PLEC: variants seen among roughly 807,000 people sequenced by gnomAD.
The protein encoded by PLEC is hemidesmosomal protein 1.
PLEC carries 216 observed loss-of-function variants against 392.8 expected under a neutral mutation model. The ratio of observed to expected loss-of-function variants is 0.55; its 90% CI spans 0.49 to 0.62. PLEC has a LOEUF of 0.62. Ranked by LOEUF, PLEC falls within the 20% of genes least tolerant of loss-of-function variation. The pLI, the probability that PLEC is intolerant of heterozygous loss-of-function variation, is 0.00. For synonymous variants in PLEC, 3,621 were observed against 2,980.6 expected (o/e 1.21, Z -7.00); for missense variants, 6,863 against 6,563.4 (o/e 1.05, Z -1.58).
At position 143,927,948 on chromosome 8, in the gene PLEC, T is replaced by G. The variant is rs1554709043; in HGVS notation, c.3305A>C (p.Glu1102Ala). ...CTCCTCGTGGGCCCTGAGCACCTCC[T>G]CGGCCCCCTGCGTGCCGCGGATCAC... is the stretch of plus-strand genomic sequence containing the variant. ...SLVIRGTQGA[E>A]EVLRAHEEQL... Residue 1102 changes from glutamate to alanine, a missense_variant, in exon 26 of 32, where the codon GAG becomes GCG. Physicochemically the swap from Glu to Ala is moderately radical, Grantham distance 107. Transcript: ENST00000345136. The G allele has an allele frequency of 2.5e-6, 4 of 1,601,236 alleles. No individual in the cohort carries two copies. Among genetic ancestry groups the G allele is most frequent in the South Asian group, 2.2e-5 (2 of 89,954 alleles).
At chr8:143,947,533 T>G (rs1411510717) in intron 1 of PLEC, among the ~76,000 whole-genome samples, 1 of 151,410 alleles carries the variant, frequency 6.6e-6, no homozygotes, top group East Asian at 1.9e-4. Flanking sequence ...TCACCTGAGG[T>G]CAGGACTTCA....
intron 1 of PLEC, among the ~76,000 whole-genome samples, chr8:143,972,663 G>A (rs59616544): frequency 3.3e-5 from 5 of 152,200 alleles, no homozygotes; most frequent in Admixed American, 2.0e-4. Context: ...TCTGCAGGCC[G>A]GCAGCCAATG....
chr8:143,932,880 G>C lies in PLEC; in HGVS notation c.1650C>G (p.Ser550Arg). 1 of 1,612,408 alleles carries C rather than the reference G, an allele frequency of 6.2e-7. No homozygotes were observed. The highest frequency in any genetic ancestry group is 1.1e-5 in the South Asian group (1 of 91,060). ...GGTGGCTGCCCAGCTGCGCCTCCACGCTGGGCAGGTCCACACCCCACTCAG... is the reference window on the plus strand; with the variant it reads ...GGTGGCTGCCCAGCTGCGCCTCCACCCTGGGCAGGTCCACACCCCACTCAG... ...DGAEWGVDLP[S>R]VEAQLGSHRG... The change falls in exon 14 of 32, where the codon AGC becomes AGG. Residue 550 changes from serine to arginine, a missense_variant. Ser to Arg is a moderately radical substitution (Grantham distance 110, BLOSUM62 -1). Transcript: ENST00000345136.
In PLEC at chr8:143,920,358, C is replaced by G; in HGVS notation, c.9463G>C (p.Asp3155His). Residue 3155 changes from aspartate to histidine, a missense_variant, in exon 32 of 32, where the codon GAT (aspartate) becomes CAT (histidine). Transcript: ENST00000345136. ...AGGCAGCCTCGGGCGCAGGCGACATCCAGGGGCACGCGGTGGCTCTTGCTG... is the reference window on the plus strand; with the variant it reads ...AGGCAGCCTCGGGCGCAGGCGACATGCAGGGGCACGCGGTGGCTCTTGCTG... ...DPSKSHRVPLDVACARGCLDE... is the reference protein window; with the variant it reads ...DPSKSHRVPLHVACARGCLDE... 6.3e-7 allele frequency: 1 copy of G among 1,594,936 alleles called. No homozygotes were observed.
chr8:143,917,771 G>A lies in PLEC; in HGVS notation c.12050C>T (p.Pro4017Leu). The A allele has an allele frequency of 6.2e-7, 1 of 1,613,560 alleles. No homozygotes were observed. The highest frequency in any genetic ancestry group is 1.1e-5 in the South Asian group (1 of 91,082). The change falls in exon 32 of 32, where the codon CCC becomes CTC. Residue 4017 changes from proline (P) to leucine (L), a missense_variant. Coordinates refer to ENST00000345136, the MANE Select transcript of PLEC (RefSeq NM_201384.3). ...GAGGGAGATGAGCTTCCCAGAGTAG[G>A]GGTCCTTGTACCCAGTGACGGCGCG... ...AERAVTGYKD[P>L]YSGKLISLFQ... is the part of the protein sequence containing the mutation.
upstream of PLEC, among the ~76,000 whole-genome samples, chr8:143,940,149 G>A (rs782765544): frequency 7.2e-5 from 11 of 152,228 alleles, no homozygotes; most frequent in Non-Finnish European, 1.5e-4. Context: ...GCCCCATGGT[G>A]CCTGCCCTGG....
At position 143,927,503 on chromosome 8, in the gene PLEC, G is replaced by A. The variant is rs1825650994; in HGVS notation, c.3663C>T (p.Ala1221=). 1 of 1,597,036 alleles carries A rather than the reference G, an allele frequency of 6.3e-7. No homozygotes were observed. Reference sequence around the variant, plus strand: ...GCCGCCGCCTGGCGTCCTGCAGCCAGGCGCCCAAGGGGTCTGCACTCTCGC... The same window carrying A: ...GCCGCCGCCTGGCGTCCTGCAGCCAAGCGCCCAAGGGGTCTGCACTCTCGC... ...YYRESADPLG[A]WLQDARRRQE... Residue 1221 remains alanine, a synonymous_variant, in exon 27 of 32, where the codon GCC becomes GCT. Coordinates refer to ENST00000345136, the MANE Select transcript of PLEC (RefSeq NM_201384.3).
rs1823964414 is a variant in PLEC at position 143,924,045 on chromosome 8, T to C, written c.5884A>G (p.Lys1962Glu). The C allele has an allele frequency of 6.3e-7, 1 of 1,595,664 alleles. No homozygotes were observed. Among genetic ancestry groups the C allele is most frequent in the Non-Finnish European group, 8.5e-7 (1 of 1,178,170 alleles). ...RSNAEDTLRS[K>E]EQAELEAARQ... is the part of the protein sequence containing the mutation. ...GCAGCCTCCAGCTCGGCCTGCTCCT[T>C]GCTGCGCAGCGTGTCCTCCGCGTTG... The change falls in exon 31 of 32, where the codon AAG (lysine) becomes GAG (glutamate). Residue 1962 changes from lysine to glutamate, a missense_variant. By Grantham distance (56) the Lys-to-Glu change is moderately conservative. Coordinates refer to ENST00000345136, the MANE Select transcript of PLEC (RefSeq NM_201384.3).
At position 143,917,953 on chromosome 8, in the gene PLEC, G is replaced by A. The variant is rs1563937233; in HGVS notation, c.11868C>T (p.Gly3956=). The A allele has an allele frequency of 1.2e-6, 2 of 1,612,978 alleles. No homozygotes were observed. Among genetic ancestry groups the A allele is most frequent in the South Asian group, 1.1e-5 (1 of 91,080 alleles). The change falls in exon 32 of 32, where the codon GGC becomes GGT. Residue 3956 remains glycine (G), a synonymous_variant. Transcript: ENST00000345136. ...RLSVYQAMKK[G]IIRPGTAFEL... ...CAAAGGCTGTGCCGGGGCGGATGAT[G>A]CCCTTCTTCATGGCCTGGTACACCG...
chr8:143,937,243 C>A lies in PLEC; in HGVS notation c.265-1G>T. 6.2e-7 allele frequency: 1 copy of A among 1,611,314 alleles called. No individual in the cohort carries two copies. Among genetic ancestry groups the A allele is most frequent in the Non-Finnish European group, 8.5e-7 (1 of 1,178,634 alleles). On this transcript the variant is annotated splice_acceptor_variant, in intron 3 of 31. Transcript: ENST00000345136. LOFTEE classifies it high-confidence loss of function. ...AACGCATCCTCCCCTTCTCCCGGGG[C>A]TGTGGGGAGGCACAGTCAGCACCCA... is the stretch of plus-strand genomic sequence containing the variant.
In PLEC at chr8:143,915,235, C is replaced by A. The variant is rs1820218659; in HGVS notation, c.*942G>T. 1 of 152,586 alleles carries A rather than the reference C, an allele frequency of 6.6e-6. No individual in the cohort carries two copies. The highest frequency in any genetic ancestry group is 1.5e-5 in the Non-Finnish European group (1 of 68,124). The allele number at this position is 152,586 out of a possible 1,614,324, so 9.5% of individuals were successfully genotyped here. ...TTAGTGTTCTGCCCTTGCAGAGGCG[C>A]CAGCAGCCTGACACCTCCACCTGCC... On this transcript the variant is annotated 3_prime_UTR_variant, in exon 32 of 32. Coordinates refer to ENST00000345136, the MANE Select transcript of PLEC (RefSeq NM_201384.3).
intron 18 of PLEC, 50 bp downstream of exon 18, chr8:143,931,887 C>T (rs1554715789): frequency 6.5e-7 from 1 of 1,526,826 alleles, no homozygotes; most frequent in South Asian, 1.2e-5. Flanking sequence ...TCCAGGGGCT[C>T]CTGCAAGGCT....
upstream of PLEC, chr8:143,958,553 T>G (rs1554739885): frequency 2.6e-6 from 1 of 389,810 alleles, no homozygotes; most frequent in Non-Finnish European, 5.4e-6. The surrounding 1 kb of genome is among the most constrained non-coding windows in gnomAD (Gnocchi z 4.9). Flanking sequence ...CCACCACCCT[T>G]TCACCTCAAA....
At chr8:143,965,976 G>A (rs1186223358) in intron 1 of PLEC, among the ~76,000 whole-genome samples, 1 of 152,106 alleles carries the variant, frequency 6.6e-6, no homozygotes, top group African/African-American at 2.4e-5. Flanking sequence ...GCTCTGTCCT[G>A]GAGAGGGTTC....
Position 143,927,546 on chromosome 8 carries a change from C to T in PLEC, c.3620G>A (p.Arg1207His), listed in dbSNP as rs146685404. The T allele has an allele frequency of 7.5e-6, 12 of 1,595,996 alleles. No individual in the cohort carries two copies. Among genetic ancestry groups the T allele is most frequent in the East Asian group, 2.2e-5 (1 of 44,690 alleles). ...ACTCTCGCGGTAGTAACGCAGCTGG[C>T]GGCCCAGTTGCTCGAGCTCGCGCTG... The part of the protein sequence containing the change: ...VRQRELEQLG[R>H]QLRYYRESAD... Residue 1207 changes from arginine (R) to histidine (H), a missense_variant, in exon 27 of 32, where the codon CGC becomes CAC. Arg to His is a conservative substitution (Grantham distance 29). Transcript: ENST00000345136.
In PLEC at chr8:143,931,529, C is replaced by T. The variant is rs781783346; in HGVS notation, c.2304+5G>A. ...TGACACGCCCCTGCACACCCCCTCC[C>T]TCACCTGGGCATCCTGCAGCAGGTC... On this transcript the variant is annotated splice_donor_5th_base_variant and intron_variant, in intron 19 of 31. Coordinates refer to ENST00000345136, the MANE Select transcript of PLEC (RefSeq NM_201384.3). The T allele has an allele frequency of 1.8e-5, 28 of 1,585,012 alleles. No individual in the cohort carries two copies. The African/African-American group carries it at 3.5e-4, about 20-fold the overall frequency.
At chr8:143,954,705 G>A (rs893868922), upstream of PLEC, among the ~76,000 whole-genome samples, 34 of 152,218 alleles carry the variant, frequency 2.2e-4, no homozygotes, top group Admixed American at 2.6e-4. The surrounding 1 kb of genome is among the most constrained non-coding windows in gnomAD (Gnocchi z 4.6). Context: ...GGTCAGCTCT[G>A]CCTCACTCAC....
rs1554680324 is a variant in PLEC, at chr8:143,920,036, A to T, written c.9785T>A (p.Phe3262Tyr). ...CAGCTCCTGCCGCTGCTCCGCAGTG[A>T]AGTACTCAGAGCTGATGAGCTCCCA... is the stretch of plus-strand genomic sequence containing the variant. ...TVWELISSEYFTAEQRQELLR... is the reference protein window; with the variant it reads ...TVWELISSEYYTAEQRQELLR... The change falls in exon 32 of 32, where the codon TTC (phenylalanine) becomes TAC (tyrosine). Residue 3262 changes from phenylalanine (F) to tyrosine (Y), a missense_variant. Coordinates refer to ENST00000345136, the MANE Select transcript of PLEC (RefSeq NM_201384.3). The T allele has an allele frequency of 6.2e-7, 1 of 1,613,304 alleles. No homozygotes were observed. The highest frequency in any genetic ancestry group is 2.2e-5 in the East Asian group (1 of 44,890).
At position 143,922,000 on chromosome 8, in the gene PLEC, G is replaced by T; in HGVS notation, c.7821C>A (p.Ala2607=). 1 of 1,598,306 alleles carries T rather than the reference G, an allele frequency of 6.3e-7. No individual in the cohort carries two copies. The highest frequency in any genetic ancestry group is 8.5e-7 in the Non-Finnish European group (1 of 1,179,644). ...QLQLLEEQHR[A]ALAHSEEVTA... is the part of the protein sequence containing the mutation. ...TGACCTCCTCTGAGTGCGCCAGCGC[G>T]GCCCGGTGCTGCTCCTCCAGGAGCT... The change falls in exon 32 of 32, where the codon GCC becomes GCA. Residue 2607 remains alanine, a synonymous_variant. Coordinates refer to ENST00000345136, the MANE Select transcript of PLEC (RefSeq NM_201384.3).
Sources: allele counts gnomAD v4.1 joint callset (sites outside exome capture counted in the v4.1 genomes callset), GRCh38; gene constraint gnomAD v4.1.1; non-coding constraint Gnocchi (gnomAD v3.1); transcripts MANE v1.5; gene names NCBI Gene and HGNC (gene_info 2026-07-23, HGNC 2026-07-21).